Variants in PCDH15 observed in about 807,000 individuals in gnomAD.
PCDH15 encodes the protein protocadherin related 15.
PCDH15 carries 129 observed loss-of-function variants against 178.5 expected under a neutral mutation model. That is an observed-to-expected ratio of 0.72 (90% CI 0.63 to 0.84). PCDH15 has a LOEUF of 0.84. Ranked by LOEUF, PCDH15 falls within the 40% of genes least tolerant of loss-of-function variation. The probability of loss-of-function intolerance (pLI) is 0.00; values close to 1 mark genes in which losing one functional copy is unlikely to be tolerated. For synonymous variants in PCDH15, 800 were observed against 732.0 expected, an observed-to-expected ratio of 1.09 and a Z score of -1.50; for missense variants, 2,230 against 2,099.9, an observed-to-expected ratio of 1.06 and a Z score of -1.21.
chr10:55,515,501 T>C (rs554786418), intron 2 of PCDH15, among the ~76,000 whole-genome samples: 1 of 152,184 alleles, frequency 6.6e-6, no homozygotes, highest in Non-Finnish European at 1.5e-5. Flanking sequence ...GTTTGGAAAA[T>C]ATTATTTTTT....
intron 2 of PCDH15, among the ~76,000 whole-genome samples, chr10:55,160,257 T>C (rs1839028046): frequency 6.6e-6 from 1 of 151,860 alleles, no homozygotes; most frequent in South Asian, 2.1e-4. Context: ...GAGTCAGCAG[T>C]AATCTCTCCA....
In PCDH15 at chr10:53,979,825, C is replaced by T. The variant is rs558216845; in HGVS notation, c.2868+15824G>A. 3.9e-5 allele frequency among the ~76,000 whole-genome samples: 6 copies of T among 152,316 alleles called. No individual in the cohort carries two copies. In the East Asian group the frequency reaches 9.6e-4, roughly 24 times the overall value. ...TAGACTTTAAAACTCACTGCAGACA[C>T]TCACAAATCACAAAATACACAAAAT... On this transcript the variant is annotated intron_variant, in intron 21 of 37. Coordinates refer to ENST00000644397, the MANE Select transcript of PCDH15 (RefSeq NM_001384140.1).
intron 1 of PCDH15, among the ~76,000 whole-genome samples, chr10:54,746,819 G>C (rs377150413): frequency 2.1e-4 from 32 of 152,126 alleles, no homozygotes; most frequent in African/African-American, 7.5e-4. Context: ...AAGGCTTATG[G>C]GGCAAAGTCC....
intron 1 of PCDH15, among the ~76,000 whole-genome samples, chr10:55,293,161 C>T (rs1843049836): frequency 6.6e-6 from 1 of 152,130 alleles, no homozygotes; most frequent in South Asian, 2.1e-4. Context: ...TGGGAGCTGC[C>T]AAGGCTTGGG....
intron 1 of PCDH15, among the ~76,000 whole-genome samples, chr10:54,702,655 A>G (rs2095322214): frequency 6.6e-6 from 1 of 152,030 alleles, no homozygotes; most frequent in Non-Finnish European, 1.5e-5. Flanking sequence ...AGATTGAACT[A>G]GGAAGAAATT....
At chr10:54,722,718 C>T (rs1291784252) in intron 1 of PCDH15, among the ~76,000 whole-genome samples, 1 of 151,532 alleles carries the variant, frequency 6.6e-6, no homozygotes, top group African/African-American at 2.4e-5. Context: ...AATCTGTGTA[C>T]AAAAATCAGT....
rs545895815 is a variant in PCDH15, at chr10:53,820,788, A to C, written c.4368-558T>G. 5.3e-5 allele frequency among the ~76,000 whole-genome samples: 8 copies of C among 152,130 alleles called. No individual in the cohort carries two copies. The East Asian group carries it at 1.5e-3, about 29-fold the overall frequency. On this transcript the variant is annotated intron_variant, in intron 32 of 37. Coordinates refer to ENST00000644397, the MANE Select transcript of PCDH15 (RefSeq NM_001384140.1). ...TTAAGTGATGCTGTTCGAATTTAAC[A>C]ATTGGAGCGCTAAGAACTATTACTA...
intron 8 of PCDH15, among the ~76,000 whole-genome samples, chr10:54,315,058 T>C (rs2061156715): frequency 6.6e-6 from 1 of 152,210 alleles, no homozygotes; most frequent in Admixed American, 6.6e-5. Flanking sequence ...TTCCCAGTAA[T>C]AGGACTGCTG....
At chr10:55,396,502 G>A (rs1036394024) in intron 2 of PCDH15, among the ~76,000 whole-genome samples, 5 of 152,152 alleles carry the variant, frequency 3.3e-5, no homozygotes, top group African/African-American at 7.2e-5. Context: ...GGTGACATCC[G>A]ATAGGCTGTC....
At chr10:55,079,575 G>C (rs556197019) in intron 2 of PCDH15, among the ~76,000 whole-genome samples, 17 of 152,222 alleles carry the variant, frequency 1.1e-4, no homozygotes, top group Admixed American at 9.2e-4. Context: ...CAATTCTCAG[G>C]CCTCCAGATG....
intron 2 of PCDH15, among the ~76,000 whole-genome samples, chr10:55,010,858 C>T (rs1162421167): frequency 6.6e-6 from 1 of 152,042 alleles, no homozygotes; most frequent in East Asian, 1.9e-4. Context: ...TCTCTCTAGT[C>T]TCTGGACTCT....
At chr10:54,620,074 G>C (rs996736272) in intron 2 of PCDH15, among the ~76,000 whole-genome samples, 2 of 151,986 alleles carry the variant, frequency 1.3e-5, no homozygotes, top group Non-Finnish European at 2.9e-5. Flanking sequence ...AAGATATATT[G>C]TTGATTATTT....
intron 13 of PCDH15, among the ~76,000 whole-genome samples, chr10:54,182,887 T>C (rs1475318008): frequency 6.6e-6 from 1 of 152,194 alleles, no homozygotes; most frequent in Non-Finnish European, 1.5e-5. Context: ...ATTTATTCAC[T>C]TACTACAAAT....
rs183984990 is a variant in PCDH15, at chr10:54,987,789, T to A, written c.-79-90289A>T. Among the ~76,000 whole-genome samples, 807 of 151,926 alleles carry A rather than the reference T, an allele frequency of 5.3e-3. 7 individuals are homozygous for A. Among genetic ancestry groups the A allele is most frequent in the African/African-American group, 0.019 (774 of 41,414 alleles). ...TTTTTCACCTGGGTAGATTGCAAAA[T>A]TTTTTTTCCCCACGCTGTAGGTTGC... On this transcript the variant is annotated intron_variant, in intron 2 of 5. Coordinates refer to the PCDH15 transcript ENST00000458638.
chr10:55,243,434 C>G (rs892043929), intron 1 of PCDH15, among the ~76,000 whole-genome samples: 17 of 152,114 alleles, frequency 1.1e-4, no homozygotes, highest in African/African-American at 4.1e-4. Context: ...ATAACAAGAC[C>G]AGACTTTCCA....
At chr10:55,496,561 GAA>G (rs1840538675) in intron 2 of PCDH15, among the ~76,000 whole-genome samples, 1 of 151,796 alleles carries the variant, frequency 6.6e-6, no homozygotes, top group African/African-American at 2.4e-5. Context: ...AATGGCCAGA[GAA>G]AGACTTTACA....
chr10:55,349,669 T>C (rs1844858340), intron 2 of PCDH15, among the ~76,000 whole-genome samples: 1 of 152,154 alleles, frequency 6.6e-6, no homozygotes, highest in East Asian at 1.9e-4. Flanking sequence ...GAACATTTGC[T>C]GTAAATACGC....
chr10:55,554,059 C>T (rs185249144), intron 2 of PCDH15, among the ~76,000 whole-genome samples: 1 of 152,082 alleles, frequency 6.6e-6, no homozygotes, highest in Admixed American at 6.6e-5. Context: ...ATGTCCATAA[C>T]AAAAGATATG....
At chr10:54,600,115 A>G in intron 2 of PCDH15, 1 of 885,720 alleles carries the variant, frequency 1.1e-6, no homozygotes. Context: ...AGAGAAACCA[A>G]TGGATGTGCC....
Sources: allele counts gnomAD v4.1 joint callset (sites outside exome capture counted in the v4.1 genomes callset), GRCh38; gene constraint gnomAD v4.1.1; transcripts MANE v1.5; gene names NCBI Gene and HGNC (gene_info 2026-07-23, HGNC 2026-07-21).